ERC2: variants seen among roughly 807,000 people sequenced by gnomAD.
The protein encoded by ERC2 is ELKS/RAB6-interacting/CAST family member 2, also known as ERC protein 2.
In ERC2, 42 loss-of-function variants were observed where a neutral mutation model predicts 114.8. That is an observed-to-expected ratio of 0.37 (90% CI 0.29 to 0.47). The LOEUF (loss-of-function observed/expected upper bound fraction) is 0.47. Among genes scored for constraint, ERC2 ranks in the 20% least tolerant of loss-of-function variants. The pLI is 0.99. For missense variants in ERC2, 939 were observed against 1,150.7 expected (o/e 0.82, Z 2.66); for synonymous variants, 454 against 425.5 (o/e 1.07, Z -0.82).
At chr3:55,521,287 A>G (rs556044030) in intron 17 of ERC2, among the ~76,000 whole-genome samples, 1 of 152,338 alleles carries the variant, frequency 6.6e-6, no homozygotes, top group East Asian at 1.9e-4. Context: ...AGGCCAGAGC[A>G]AGTGTGGGCA....
rs1482771087 is a variant in ERC2, at chr3:56,137,700, T to C, written c.1473+1809A>G. ...GCCAGATCTGGCCCACAAGCCATAGTTTTGGTTGACCCCTATTTGAGACAA... is the reference window on the plus strand; with the variant it reads ...GCCAGATCTGGCCCACAAGCCATAGCTTTGGTTGACCCCTATTTGAGACAA... On this transcript the variant is annotated intron_variant, in intron 6 of 17. Transcript: ENST00000288221. Among the ~76,000 whole-genome samples the C allele has an allele frequency of 6.6e-5, 10 of 152,310 alleles. No homozygotes were observed. The South Asian group carries it at 1.7e-3, about 25-fold the overall frequency.
chr3:55,681,400 C>T (rs1238068833), intron 17 of ERC2, among the ~76,000 whole-genome samples: 1 of 152,046 alleles, frequency 6.6e-6, no homozygotes, highest in Non-Finnish European at 1.5e-5. Context: ...TTTATAGGGG[C>T]CATAAATCAA....
intron 3 of ERC2, among the ~76,000 whole-genome samples, chr3:56,230,097 C>T (rs1353907532): frequency 1.3e-5 from 2 of 151,900 alleles, no homozygotes; most frequent in Non-Finnish European, 2.9e-5. Flanking sequence ...AACTCCTGAC[C>T]TCAGATAATC....
At chr3:55,577,806 AAAG>A (rs2057061468) in intron 17 of ERC2, among the ~76,000 whole-genome samples, 1 of 152,186 alleles carries the variant, frequency 6.6e-6, no homozygotes, top group South Asian at 2.1e-4. Context: ...TGTTCCTGCG[AAAG>A]AAGAAGGGCA....
intron 12 of ERC2, among the ~76,000 whole-genome samples, chr3:55,981,925 C>T (rs1015407548): frequency 1.3e-5 from 2 of 152,116 alleles, no homozygotes; most frequent in Admixed American, 6.5e-5. Flanking sequence ...GCATGACTGC[C>T]GCCTCCCATG....
At chr3:56,194,115 A>G (rs1560346241) in intron 3 of ERC2, among the ~76,000 whole-genome samples, 1 of 152,190 alleles carries the variant, frequency 6.6e-6, no homozygotes, top group Non-Finnish European at 1.5e-5. Flanking sequence ...TCACTGCTAT[A>G]TCCCTAGCAT....
At chr3:56,025,695 C>T (rs2073997987) in intron 7 of ERC2, among the ~76,000 whole-genome samples, 1 of 152,166 alleles carries the variant, frequency 6.6e-6, no homozygotes, top group South Asian at 2.1e-4. Context: ...AGATAATCTC[C>T]CTTTTGATCA....
rs553846935 is a variant in ERC2, at chr3:55,724,713, T to C, written c.2712+10058A>G. Among the ~76,000 whole-genome samples the C allele has an allele frequency of 6.0e-4, 91 of 152,346 alleles. 1 individual carries two copies. In the South Asian group the frequency reaches 6.8e-3, roughly 11 times the overall value. On this transcript the variant is annotated intron_variant, in intron 15 of 17. Coordinates refer to ENST00000288221, the MANE Select transcript of ERC2 (RefSeq NM_015576.3). ...AAACAATGATGAAAAGCAAGGTCTC[T>C]GCACACATTATACCCACTCCTAAGC... is the stretch of plus-strand genomic sequence containing the variant.
intron 14 of ERC2, among the ~76,000 whole-genome samples, chr3:55,741,143 T>C (rs1444309949): frequency 6.6e-6 from 1 of 152,164 alleles, no homozygotes; most frequent in African/African-American, 2.4e-5. Flanking sequence ...ATACTGAATA[T>C]AATTTTATAA....
intron 16 of ERC2, among the ~76,000 whole-genome samples, chr3:55,695,991 C>T (rs1035890290): frequency 2.6e-5 from 4 of 152,144 alleles, no homozygotes; most frequent in Non-Finnish European, 5.9e-5. Flanking sequence ...TCACAAAATA[C>T]TTTGCCCAGA....
At chr3:56,149,991 T>G (rs996008971) in intron 4 of ERC2, among the ~76,000 whole-genome samples, 3 of 152,048 alleles carry the variant, frequency 2.0e-5, no homozygotes, top group African/African-American at 4.8e-5. Context: ...GACGAAAAAT[T>G]TTTCCACAAC....
chr3:55,600,485 A>G (rs2058350058), intron 17 of ERC2, among the ~76,000 whole-genome samples: 1 of 152,220 alleles, frequency 6.6e-6, no homozygotes, highest in Admixed American at 6.5e-5. Flanking sequence ...AAGATGGGGG[A>G]AACATTCACG....
At chr3:56,034,071 G>A (rs962749679) in intron 7 of ERC2, among the ~76,000 whole-genome samples, 6 of 152,172 alleles carry the variant, frequency 3.9e-5, no homozygotes, top group East Asian at 1.9e-4. Context: ...AACTATATGC[G>A]ACTATAGAAG....
chr3:56,347,494 C>T (rs888849161), intron 2 of ERC2, among the ~76,000 whole-genome samples: 5 of 152,028 alleles, frequency 3.3e-5, no homozygotes, highest in African/African-American at 9.6e-5. Flanking sequence ...GACCCAGCCA[C>T]GCTTCCTCAC....
chr3:56,355,465 T>C (rs2058713565), intron 2 of ERC2, among the ~76,000 whole-genome samples: 2 of 152,038 alleles, frequency 1.3e-5, no homozygotes, highest in African/African-American at 2.4e-5. Context: ...ACCACAGGCA[T>C]GCACATCATG....
intron 6 of ERC2, among the ~76,000 whole-genome samples, chr3:56,116,077 C>A (rs1560199079): frequency 6.6e-6 from 1 of 152,212 alleles, no homozygotes. Flanking sequence ...TCCTGACCGA[C>A]CCTAGTGCTT....
In ERC2 at chr3:56,020,171, C is replaced by T. The variant is rs548343283; in HGVS notation, c.1642-1140G>A. 3.3e-5 allele frequency among the ~76,000 whole-genome samples: 5 copies of T among 152,250 alleles called. No homozygotes were observed. In the East Asian group the frequency reaches 9.7e-4, roughly 29 times the overall value. On this transcript the variant is annotated intron_variant, in intron 7 of 17. Transcript: ENST00000288221. ...ACAGCTCTGGATGCAAAGACAATGG[C>T]TCTGCTGACCTTCAATCTGGAGGAC...
intron 5 of ERC2, among the ~76,000 whole-genome samples, chr3:56,140,564 C>T (rs1375957510): frequency 6.6e-6 from 1 of 152,100 alleles, no homozygotes; most frequent in African/African-American, 2.4e-5. Flanking sequence ...TTTATCTGCC[C>T]ACTCTGCTGT....
chr3:56,170,685 G>A (rs916914125), intron 4 of ERC2, among the ~76,000 whole-genome samples: 5 of 139,048 alleles, frequency 3.6e-5, no homozygotes, highest in Admixed American at 2.3e-4. Flanking sequence ...CAACCTCCAC[G>A]CCCAGGGTTC....
Sources: allele counts gnomAD v4.1 joint callset (sites outside exome capture counted in the v4.1 genomes callset), GRCh38; gene constraint gnomAD v4.1.1; transcripts MANE v1.5; gene names NCBI Gene and HGNC (gene_info 2026-07-23, HGNC 2026-07-21).